Variants in IPP observed in about 807,000 individuals in gnomAD.
The protein encoded by IPP is actin-binding protein IPP.
IPP carries 41 observed loss-of-function variants against 64.1 expected under a neutral mutation model. The observed-to-expected ratio is 0.64, with a 90% CI of 0.50 to 0.83. The LOEUF (loss-of-function observed/expected upper bound fraction) is 0.83, where lower values mean the gene tolerates loss of function less well. Among genes scored for constraint, IPP ranks in the 40% least tolerant of loss-of-function variants. The pLI is 0.00. For missense variants in IPP, 649 were observed against 703.0 expected (o/e 0.92, Z 0.87); for synonymous variants, 214 against 235.2 (o/e 0.91, Z 0.83).
At chr1:45,709,033 C>CAAAAA (rs71058700) in intron 8 of IPP, among the ~76,000 whole-genome samples, 2 of 58,146 alleles carry the variant, frequency 3.4e-5, no homozygotes, top group African/African-American at 7.8e-5. Flanking sequence ...GACTCCATCT[C>CAAAAA]AAAAAAAAAA....
chr1:45,730,250 G>A (rs1312201722), intron 3 of IPP, among the ~76,000 whole-genome samples: 1 of 152,150 alleles, frequency 6.6e-6, no homozygotes, highest in Non-Finnish European at 1.5e-5. Flanking sequence ...TACTCAGGAG[G>A]TTCATGTGGG....
chr1:45,699,183 G>GC lies in IPP; in HGVS notation c.*782_*783insG. ...GCAAAAACTTATCATCAAGCAAAAAGGTATCTATCTATTAAAATAGCTAGA... is the reference window on the plus strand; with the variant it reads ...GCAAAAACTTATCATCAAGCAAAAAGCGTATCTATCTATTAAAATAGCTAGA... On this transcript the variant is annotated 3_prime_UTR_variant, in exon 9 of 9. Coordinates refer to ENST00000396478, the MANE Select transcript of IPP (RefSeq NM_005897.3). 1.0e-6 allele frequency: 1 copy of GC among 985,096 alleles called. No individual in the cohort carries two copies. The highest frequency in any genetic ancestry group is 1.2e-6 in the Non-Finnish European group (1 of 829,746). The allele number at this position is 985,096 out of a possible 1,614,324, so 61.0% of individuals were successfully genotyped here. A position where few individuals can be genotyped will look rare whatever the true frequency, so the allele number is the denominator to read the frequency against.
chr1:45,746,298 A>G lies in IPP; in HGVS notation c.114T>C (p.Asp38=). 3 of 1,614,208 alleles carry G rather than the reference A, an allele frequency of 1.9e-6. No individual in the cohort carries two copies. The highest frequency in any genetic ancestry group is 2.5e-6 in the Non-Finnish European group (3 of 1,180,022). ...NKMRNGQHFC[D]VQLQVGQESF... ...TTTCCTGTCCAACTTGCAGCTGCAC[A>G]TCACAGAAATGCTGTCCATTTCTCA... Residue 38 remains aspartate (D), a synonymous_variant, in exon 2 of 9, where the codon GAT becomes GAC. Transcript: ENST00000396478.
Position 45,729,695 on chromosome 1 carries a change from T to TG in IPP, c.798dup (p.Lys267GlnfsTer7), listed in dbSNP as rs1186071020. On this transcript the variant is annotated frameshift_variant, in exon 4 of 9. Transcript: ENST00000396478. LOFTEE classifies it high-confidence loss of function. ...AGAAAACTACAAAACTTGTTCTCTT[T>TG]GGGAGATTTGCATACTTCACAGTAC... The TG allele has an allele frequency of 6.2e-7, 1 of 1,611,608 alleles. No individual in the cohort carries two copies. Among genetic ancestry groups the TG allele is most frequent in the African/African-American group, 1.3e-5 (1 of 74,880 alleles).
chr1:45,734,604 G>A (rs2148575389), intron 3 of IPP, among the ~76,000 whole-genome samples: 1 of 151,728 alleles, frequency 6.6e-6, no homozygotes, highest in South Asian at 2.1e-4. Flanking sequence ...CCATGCCAGG[G>A]TAATTTTAAA....
chr1:45,725,169 T>G (rs1570003212), intron 5 of IPP, among the ~76,000 whole-genome samples: 2 of 79,592 alleles, frequency 2.5e-5, no homozygotes, highest in East Asian at 3.8e-4. Flanking sequence ...GGGTGGGGGG[T>G]CAGCCCCCCG....
At chr1:45,720,482 A>G (rs1310357670) in intron 5 of IPP, among the ~76,000 whole-genome samples, 1 of 152,190 alleles carries the variant, frequency 6.6e-6, no homozygotes, top group African/African-American at 2.4e-5. Context: ...GATTTAATGT[A>G]TTCCCAATCA....
At chr1:45,727,544 A>T in intron 5 of IPP, 87 bp downstream of exon 5, 1 of 609,702 alleles carries the variant, frequency 1.6e-6, no homozygotes, top group Non-Finnish European at 2.5e-6. Context: ...AGATATATGT[A>T]TATCACATAG....
At chr1:45,695,822 A>T (rs1480458520), downstream of IPP, among the ~76,000 whole-genome samples, 1 of 152,148 alleles carries the variant, frequency 6.6e-6, no homozygotes, top group Non-Finnish European at 1.5e-5. Context: ...GGCATGCGCC[A>T]CCATGCCCAG....
At chr1:45,697,749 G>C (rs1028818103), downstream of IPP, among the ~76,000 whole-genome samples, 1 of 151,530 alleles carries the variant, frequency 6.6e-6, no homozygotes, top group African/African-American at 2.4e-5. Context: ...ACAAGGTCAG[G>C]AGTTCAACAC....
At chr1:45,736,443 C>T (rs1286270185) in intron 3 of IPP, among the ~76,000 whole-genome samples, 1 of 151,944 alleles carries the variant, frequency 6.6e-6, no homozygotes, top group Non-Finnish European at 1.5e-5. Flanking sequence ...AAAAAATCTA[C>T]GCATTTCATG....
At chr1:45,713,556 G>A (rs1035647044) in intron 8 of IPP, among the ~76,000 whole-genome samples, 5 of 78,784 alleles carry the variant, frequency 6.3e-5, no homozygotes, top group African/African-American at 2.8e-4. Context: ...GAAAAACTCC[G>A]TCTCAAAAAA....
rs375811818 is a variant in IPP at position 45,746,262 on chromosome 1, A to T, written c.150T>A (p.Ala50=). Reference sequence around the variant, plus strand: ...TGCTGGCAGCCAAAACCAGCCGATGAGCTTTAAAACTTTCCTGTCCAACTT... The same window carrying T: ...TGCTGGCAGCCAAAACCAGCCGATGTGCTTTAAAACTTTCCTGTCCAACTT... ...QLQVGQESFK[A]HRLVLAASSP... is the part of the protein sequence containing the mutation. Residue 50 remains alanine (A), a synonymous_variant, in exon 2 of 9, where the codon GCT becomes GCA. Coordinates refer to ENST00000396478, the MANE Select transcript of IPP (RefSeq NM_005897.3). 6.2e-7 allele frequency: 1 copy of T among 1,614,210 alleles called. No individual in the cohort carries two copies. The highest frequency in any genetic ancestry group is 8.5e-7 in the Non-Finnish European group (1 of 1,180,040).
intron 8 of IPP, among the ~76,000 whole-genome samples, chr1:45,705,331 A>T (rs1334655411): frequency 2.0e-5 from 3 of 152,252 alleles, no homozygotes; most frequent in Non-Finnish European, 4.4e-5. Flanking sequence ...AAGCAGAAAA[A>T]GTATAAGATA....
At chr1:45,727,586 T>C in intron 5 of IPP, 45 bp downstream of exon 5, 1 of 1,246,660 alleles carries the variant, frequency 8.0e-7, no homozygotes. Context: ...TATTAGAATA[T>C]AGCCAACAAG....
chr1:45,699,896 A>C lies in IPP; in HGVS notation c.*70T>G. ...ATCAGAGGGTCTTATCACCAAATCTATGTTTGCTTTGCAAAAGGTCAGGTC... is the reference window on the plus strand; with the variant it reads ...ATCAGAGGGTCTTATCACCAAATCTCTGTTTGCTTTGCAAAAGGTCAGGTC... On this transcript the variant is annotated 3_prime_UTR_variant, in exon 9 of 9. Coordinates refer to ENST00000396478, the MANE Select transcript of IPP (RefSeq NM_005897.3). 1.3e-6 allele frequency: 2 copies of C among 1,572,802 alleles called. No homozygotes were observed. The highest frequency in any genetic ancestry group is 1.7e-6 in the Non-Finnish European group (2 of 1,159,092).
At chr1:45,718,432 A>C (rs1256575922) in intron 6 of IPP, among the ~76,000 whole-genome samples, 2 of 152,212 alleles carry the variant, frequency 1.3e-5, no homozygotes, top group African/African-American at 4.8e-5. Context: ...CAGCCAGCCA[A>C]CTGGCCAGGC....
intron 3 of IPP, among the ~76,000 whole-genome samples, chr1:45,734,716 T>C (rs1174669402): frequency 2.0e-5 from 3 of 152,028 alleles, no homozygotes; most frequent in African/African-American, 7.2e-5. Flanking sequence ...GCCTCCTGGG[T>C]TCAAGCAATT....
rs1257535861 is a variant in IPP at position 45,746,446 on chromosome 1, A to G, written c.-35T>C. The G allele has an allele frequency of 6.5e-7, 1 of 1,547,946 alleles. No individual in the cohort carries two copies. The highest frequency in any genetic ancestry group is 1.8e-5 in the Admixed American group (1 of 55,410). On this transcript the variant is annotated 5_prime_UTR_variant, in exon 2 of 9. An upstream start codon of the reference 5' UTR is lost. Transcript: ENST00000396478. ...AGATTAATTAAAAGGACTGTTGCCC[A>G]TAATCTGTTACTACCCTGAAAAACA...
Sources: gnomAD v4.1 joint callset for allele counts (sites outside exome capture counted in the v4.1 genomes callset) on GRCh38, gnomAD v4.1.1 for gene constraint, MANE v1.5 for transcripts, NCBI Gene and HGNC (gene_info 2026-07-23, HGNC 2026-07-21) for gene names.